Variants in USH2A observed in about 807,000 individuals in gnomAD.
The protein encoded by USH2A is Usher syndrome 2A (autosomal recessive, mild).
In USH2A, 443 loss-of-function variants were observed where a neutral mutation model predicts 538.9. The observed-to-expected ratio is 0.82, with a 90% CI of 0.76 to 0.89. USH2A has a LOEUF of 0.89. Ranked by LOEUF, USH2A falls within the 40% of genes least tolerant of loss-of-function variation. The pLI is 0.00. For missense variants in USH2A, 6,633 were observed against 6,324.8 expected (o/e 1.05, Z -1.65); for synonymous variants, 2,413 against 2,273.5 (o/e 1.06, Z -1.75).
intron 20 of USH2A, among the ~76,000 whole-genome samples, chr1:216,188,682 T>C (rs301748): frequency 0.95 from 144,384 of 151,950 alleles, 68,655 homozygotes; most frequent in African/African-American, 0.99. Context: ...TAGTAGTTTC[T>C]GTAACACTGA....
Position 216,124,916 on chromosome 1 carries a change from T to C in USH2A, c.4628-27703A>G, listed in dbSNP as rs2033217687. The stretch of plus-strand genomic sequence containing the variant: ...CCTCATTTATCTGGTGTTATTTAGG[T>C]AATAAGACATTCTGCATGCATAGAT... On this transcript the variant is annotated intron_variant, in intron 21 of 71. Transcript: ENST00000307340. 6.6e-5 allele frequency among the ~76,000 whole-genome samples: 10 copies of C among 151,714 alleles called. No homozygotes were observed. In the Admixed American group the frequency reaches 6.6e-4, roughly 10 times the overall value.
intron 4 of USH2A, among the ~76,000 whole-genome samples, chr1:216,332,925 G>A (rs2037898162): frequency 6.6e-6 from 1 of 151,962 alleles, no homozygotes; most frequent in South Asian, 2.1e-4. Flanking sequence ...CAAAGAATAT[G>A]GCATATGCAA....
At chr1:215,879,698 G>A (rs1664860456) in intron 41 of USH2A, among the ~76,000 whole-genome samples, 1 of 152,120 alleles carries the variant, frequency 6.6e-6, no homozygotes, top group South Asian at 2.1e-4. Flanking sequence ...TTTGAAAAAG[G>A]GAAGCCAAAG....
At chr1:215,775,246 G>A (rs1571674437) in intron 55 of USH2A, among the ~76,000 whole-genome samples, 1 of 152,276 alleles carries the variant, frequency 6.6e-6, no homozygotes, top group Middle Eastern at 3.4e-3. Flanking sequence ...GGAAGCACAT[G>A]AGCTTACTTC....
intron 70 of USH2A, among the ~76,000 whole-genome samples, chr1:215,629,680 C>T (rs973530044): frequency 8.6e-5 from 13 of 151,888 alleles, no homozygotes; most frequent in South Asian, 2.1e-4. Flanking sequence ...ACCTAGAACG[C>T]GCCGTAAGAT....
intron 15 of USH2A, among the ~76,000 whole-genome samples, chr1:216,210,920 G>A (rs1443518642): frequency 6.6e-6 from 1 of 151,394 alleles, no homozygotes; most frequent in Non-Finnish European, 1.5e-5. Flanking sequence ...GTCGGAAGTT[G>A]CAGTGAGCCA....
chr1:216,120,219 C>CAAAAAAAAAAA lies in USH2A; in HGVS notation c.4628-23017_4628-23007dup, dbSNP rs10525093. Among the ~76,000 whole-genome samples the CAAAAAAAAAAA allele has an allele frequency of 9.2e-4, 92 of 100,006 alleles. 9 individuals carry two copies. Among genetic ancestry groups the CAAAAAAAAAAA allele is most frequent in the East Asian group, 1.9e-3 (4 of 2,156 alleles). The allele number at this position is 100,006 out of a possible 152,430, so 65.6% of individuals were successfully genotyped here. On this transcript the variant is annotated intron_variant, in intron 21 of 71. Coordinates refer to ENST00000307340, the MANE Select transcript of USH2A (RefSeq NM_206933.4). The stretch of plus-strand genomic sequence containing the variant: ...TATTAAAACAGGTCATACTAAATAG[C>CAAAAAAAAAAA]AAAAAAAAAAAAAAAAAAAAAAAAA...
intron 32 of USH2A, among the ~76,000 whole-genome samples, chr1:216,003,754 A>G (rs1282265013): frequency 1.3e-5 from 2 of 152,144 alleles, no homozygotes; most frequent in Non-Finnish European, 2.9e-5. Flanking sequence ...TTTTTAATCT[A>G]AGAGGTTCTA....
At chr1:216,173,151 T>C (rs2034304289) in intron 21 of USH2A, among the ~76,000 whole-genome samples, 1 of 152,174 alleles carries the variant, frequency 6.6e-6, no homozygotes, top group Admixed American at 6.6e-5. Flanking sequence ...TTAGGAAAGA[T>C]GCAAGTTTAC....
rs111542004 is a variant in USH2A at position 215,888,753 on chromosome 1, C to G, written c.7896G>C (p.Leu2632=). Residue 2632 remains leucine (L), a synonymous_variant, in exon 41 of 72, where the codon CTG becomes CTC. Coordinates refer to ENST00000307340, the MANE Select transcript of USH2A (RefSeq NM_206933.4). ...TCACAGATGTTGGAGTATCAGAGAA[C>G]AGCTCTGGACTTGGGATCCCTTCCG... ...GAPEGIPSPE[L]FSDTPTSVII... is the part of the protein sequence containing the mutation. The G allele has an allele frequency of 1.2e-6, 2 of 1,614,134 alleles. No homozygotes were observed. The highest frequency in any genetic ancestry group is 3.3e-5 in the Admixed American group (2 of 60,012).
intron 3 of USH2A, among the ~76,000 whole-genome samples, chr1:216,387,289 G>A (rs1031934263): frequency 1.3e-5 from 2 of 152,158 alleles, no homozygotes; most frequent in Non-Finnish European, 2.9e-5. Context: ...AAGCTACAAA[G>A]TGATGGACCT....
chr1:216,357,870 C>T (rs1451849777), intron 4 of USH2A, among the ~76,000 whole-genome samples: 1 of 152,134 alleles, frequency 6.6e-6, no homozygotes, highest in Non-Finnish European at 1.5e-5. Context: ...AACACAAGTG[C>T]TCCAGGTTAT....
intron 4 of USH2A, among the ~76,000 whole-genome samples, chr1:216,332,653 C>T (rs1446505734): frequency 6.6e-6 from 1 of 152,062 alleles, no homozygotes; most frequent in Non-Finnish European, 1.5e-5. Context: ...AGATCTCTCA[C>T]CAGAGACTGG....
chr1:216,417,108 C>T (rs755492808), intron 3 of USH2A, among the ~76,000 whole-genome samples: 3 of 151,976 alleles, frequency 2.0e-5, no homozygotes, highest in Non-Finnish European at 2.9e-5. Context: ...TCAGACATGA[C>T]GTCCCCTTTG....
chr1:215,632,176 C>G (rs767978072), intron 70 of USH2A, among the ~76,000 whole-genome samples: 3 of 152,080 alleles, frequency 2.0e-5, no homozygotes, highest in Non-Finnish European at 4.4e-5. Context: ...CATTCTCCTG[C>G]CTCAACCTCC....
intron 55 of USH2A, among the ~76,000 whole-genome samples, chr1:215,769,832 G>A (rs1382956296): frequency 6.6e-6 from 1 of 152,164 alleles, no homozygotes; most frequent in African/African-American, 2.4e-5. Flanking sequence ...GAGGAAAGGA[G>A]ACAAAGATTG....
intron 32 of USH2A, among the ~76,000 whole-genome samples, chr1:216,005,364 A>G (rs1668368218): frequency 6.6e-6 from 1 of 152,144 alleles, no homozygotes; most frequent in South Asian, 2.1e-4. Context: ...TTACTAAAAC[A>G]AGTTCAATAT....
At chr1:215,820,119 GA>G (rs1163511425) in intron 47 of USH2A, among the ~76,000 whole-genome samples, 2 of 151,466 alleles carry the variant, frequency 1.3e-5, no homozygotes. Context: ...ATATTTGAAT[GA>G]ATTTTTTTTG....
At chr1:215,886,675 G>A (rs1030815842) in intron 41 of USH2A, 1 of 152,052 alleles carries the variant, frequency 6.6e-6, no homozygotes, top group Non-Finnish European at 1.5e-5. Flanking sequence ...TTCTAGCCAC[G>A]CTAATCTAAA....
Sources: gnomAD v4.1 joint callset for allele counts (sites outside exome capture counted in the v4.1 genomes callset) on GRCh38, gnomAD v4.1.1 for gene constraint, MANE v1.5 for transcripts, NCBI Gene and HGNC (gene_info 2026-07-23, HGNC 2026-07-21) for gene names.